The following COBL variants were observed in gnomAD, a reference collection of about 807,000 sequenced individuals.
The protein encoded by COBL is protein cordon-bleu.
In COBL, 51 loss-of-function variants were observed where a neutral mutation model predicts 98.8. That is an observed-to-expected ratio of 0.52 (90% CI 0.41 to 0.65). The LOEUF (loss-of-function observed/expected upper bound fraction) is 0.65. Among genes scored for constraint, COBL ranks in the 30% least tolerant of loss-of-function variants. COBL has a pLI of 0.00. For synonymous variants in COBL, 634 were observed against 651.7 expected (o/e 0.97, Z 0.41); for missense variants, 1,617 against 1,617.5 (o/e 1.00, Z 0.01).
intron 1 of COBL, among the ~76,000 whole-genome samples, chr7:51,312,781 A>G (rs1563156663): frequency 6.6e-6 from 1 of 152,182 alleles, no homozygotes; most frequent in African/African-American, 2.4e-5. Flanking sequence ...GAGAAAACAC[A>G]GGAGGGACTG....
intron 1 of COBL, among the ~76,000 whole-genome samples, chr7:51,234,939 G>C (rs1165476669): frequency 6.6e-6 from 1 of 152,010 alleles, no homozygotes; most frequent in Non-Finnish European, 1.5e-5. Flanking sequence ...AGAGAAGAGA[G>C]GGAGAAAAGG....
chr7:51,034,997 A>G (rs1788495487), intron 8 of COBL: 1 of 152,242 alleles, frequency 6.6e-6, no homozygotes, highest in Non-Finnish European at 1.5e-5. Flanking sequence ...TGGGGCATGC[A>G]ATATGAGGGA....
chr7:51,234,310 G>A (rs1186700294), intron 1 of COBL, among the ~76,000 whole-genome samples: 2 of 152,230 alleles, frequency 1.3e-5, no homozygotes, highest in African/African-American at 4.8e-5. Context: ...CTTGTCCACT[G>A]TTAGACCTGC....
At chr7:51,198,619 A>C (rs1554426088) in intron 2 of COBL, among the ~76,000 whole-genome samples, 3 of 152,230 alleles carry the variant, frequency 2.0e-5, no homozygotes, top group Non-Finnish European at 1.5e-5. Context: ...AGTTGGGCAC[A>C]GGTTTTTTTC....
chr7:51,222,365 C>T (rs1793733023), intron 1 of COBL, among the ~76,000 whole-genome samples: 1 of 152,070 alleles, frequency 6.6e-6, no homozygotes, highest in African/African-American at 2.4e-5. Flanking sequence ...AAATAGTCAA[C>T]ATATATGGCA....
chr7:51,098,023 C>CAAAAAA (rs3047141), intron 6 of COBL, among the ~76,000 whole-genome samples: 5 of 94,352 alleles, frequency 5.3e-5, no homozygotes, highest in African/African-American at 1.2e-4. Flanking sequence ...GACTCCATCT[C>CAAAAAA]AAAAAAAAAA....
In COBL at chr7:51,114,370, G is replaced by C. The variant is rs202090338; in HGVS notation, c.957+21788C>G. ...TGAGGGCTGGTTCTTACGTACTCCA[G>C]AAAAAAAAAAAATCCAGAGATAATA... On this transcript the variant is annotated intron_variant, in intron 6 of 12. Coordinates refer to ENST00000265136, the MANE Select transcript of COBL (RefSeq NM_015198.5). Among the ~76,000 whole-genome samples, 241 of 143,806 alleles carry C rather than the reference G, an allele frequency of 1.7e-3. 5 individuals carry two copies. The highest frequency in any genetic ancestry group is 0.016 in the Admixed American group (229 of 14,582). 94.3% of individuals were successfully genotyped at this position (143,806 alleles called of 152,430 possible). A position where few individuals can be genotyped will look rare whatever the true frequency, so the allele number is the denominator to read the frequency against.
intron 7 of COBL, among the ~76,000 whole-genome samples, chr7:51,054,046 T>C (rs1790487253): frequency 6.6e-6 from 1 of 151,902 alleles, no homozygotes; most frequent in African/African-American, 2.4e-5. Context: ...CTGGAAGTGG[T>C]GGTGTGTGCC....
intron 6 of COBL, among the ~76,000 whole-genome samples, chr7:51,098,675 A>C (rs1562908827): frequency 6.6e-6 from 1 of 152,186 alleles, no homozygotes; most frequent in Non-Finnish European, 1.5e-5. Context: ...ACATAGAGGG[A>C]AATCTTTATG....
chr7:51,041,631 G>C (rs1462217540), intron 8 of COBL, among the ~76,000 whole-genome samples: 1 of 151,714 alleles, frequency 6.6e-6, no homozygotes, highest in African/African-American at 2.4e-5. Flanking sequence ...CTACAGGCAA[G>C]TGCCACCACA....
chr7:51,044,350 T>C (rs895198144), intron 7 of COBL, among the ~76,000 whole-genome samples: 1 of 152,194 alleles, frequency 6.6e-6, no homozygotes, highest in East Asian at 1.9e-4. Flanking sequence ...TTAATACTAA[T>C]GATGGGTAGC....
intron 7 of COBL, chr7:51,071,598 T>A (rs563050933): frequency 1.3e-5 from 2 of 152,334 alleles, no homozygotes; most frequent in Admixed American, 1.3e-4. Flanking sequence ...TTTAATTGAG[T>A]TTGATATACT....
intron 1 of COBL, among the ~76,000 whole-genome samples, chr7:51,303,878 T>C (rs1022999524): frequency 1.3e-5 from 2 of 152,134 alleles, no homozygotes; most frequent in Non-Finnish European, 1.5e-5. Flanking sequence ...TTTCTCTGAG[T>C]GGTCTGCAGA....
At chr7:51,255,085 T>C (rs1797077800) in intron 1 of COBL, among the ~76,000 whole-genome samples, 1 of 152,240 alleles carries the variant, frequency 6.6e-6, no homozygotes, top group African/African-American at 2.4e-5. Flanking sequence ...ACAGGATCCA[T>C]GTGAAGCCTG....
Position 51,029,364 on chromosome 7 carries a change from A to G in COBL, c.1732T>C (p.Ser578Pro), listed in dbSNP as rs1787932376. Residue 578 changes from serine (S) to proline (P), a missense_variant, in exon 10 of 13, where the codon TCC becomes CCC. Coordinates refer to ENST00000265136, the MANE Select transcript of COBL (RefSeq NM_015198.5). ...DSEGVASRRD[S>P]LAPLQAEHSQ... The stretch of plus-strand genomic sequence containing the variant: ...TGCTCAGCTTGAAGTGGCGCCAGGG[A>G]GTCTCTCCTGCTGGCAACACCCTCC... 2 of 1,607,588 alleles carry G rather than the reference A, an allele frequency of 1.2e-6. No homozygotes were observed. Among genetic ancestry groups the G allele is most frequent in the African/African-American group, 2.7e-5 (2 of 74,804 alleles).
At chr7:51,157,094 G>T (rs1786233885) in intron 5 of COBL, among the ~76,000 whole-genome samples, 1 of 152,222 alleles carries the variant, frequency 6.6e-6, no homozygotes, top group Admixed American at 6.5e-5. Context: ...GGGCTAGCCA[G>T]ACACGGTGGC....
intron 10 of COBL, 122 bp from the exon 11 acceptor site, chr7:51,026,787 A>C: frequency 8.3e-7 from 1 of 1,207,928 alleles, no homozygotes. Context: ...AATCCCATCT[A>C]CTCGGGAGGC....
intron 6 of COBL, among the ~76,000 whole-genome samples, chr7:51,128,925 G>A (rs760156288): frequency 2.0e-5 from 3 of 152,182 alleles, no homozygotes; most frequent in Non-Finnish European, 2.9e-5. Context: ...GCCCGACCTC[G>A]CACTGAGGGA....
intron 6 of COBL, among the ~76,000 whole-genome samples, chr7:51,103,646 A>G (rs1796007517): frequency 6.6e-6 from 1 of 152,280 alleles, no homozygotes; most frequent in Non-Finnish European, 1.5e-5. Context: ...TGTGCTCTAC[A>G]TTTCCTCCAA....
Sources: gnomAD v4.1 joint callset for allele counts (sites outside exome capture counted in the v4.1 genomes callset) on GRCh38, gnomAD v4.1.1 for gene constraint, MANE v1.5 for transcripts, NCBI Gene and HGNC (gene_info 2026-07-23, HGNC 2026-07-21) for gene names.